Variants in HSPG2 observed in about 807,000 individuals in gnomAD.
The protein encoded by HSPG2 is basement membrane-specific heparan sulfate proteoglycan core protein.
Under a neutral mutation model 526.6 loss-of-function variants are expected in HSPG2, and 278 were observed. The ratio of observed to expected loss-of-function variants is 0.53; its 90% CI spans 0.48 to 0.58. HSPG2 has a LOEUF of 0.58. Ranked by LOEUF, HSPG2 falls within the 20% of genes least tolerant of loss-of-function variation. The pLI, the probability that HSPG2 is intolerant of heterozygous loss-of-function variation, is 0.00. For missense variants in HSPG2, 5,354 were observed against 6,099.5 expected (o/e 0.88, Z 4.07); for synonymous variants, 2,465 against 2,555.4 (o/e 0.96, Z 1.07).
At position 21,824,863 on chromosome 1, in the gene HSPG2, G is replaced by T. The variant is rs545573315; in HGVS notation, c.12590-84C>A. ...CAGTTCCCCTGACCCCCACCTCCAC[G>T]CCAACATGCAGGACTAGGGGGCTCC... On this transcript the variant is annotated intron_variant, in intron 91 of 96. Coordinates refer to ENST00000374695, the MANE Select transcript of HSPG2 (RefSeq NM_005529.7). This position sits in a 1 kb window ranked among gnomAD's most constrained non-coding sequence, Gnocchi z 5.9. The T allele has an allele frequency of 3.5e-5, 44 of 1,266,326 alleles. No homozygotes were observed. The highest frequency in any genetic ancestry group is 4.6e-5 in the Non-Finnish European group (41 of 887,990). 78.4% of individuals were successfully genotyped at this position (1,266,326 alleles called of 1,614,324 possible). A position where few individuals can be genotyped will look rare whatever the true frequency, so the allele number is the denominator to read the frequency against.
At chr1:21,882,415 AC>A (rs1452070782) in intron 13 of HSPG2, among the ~76,000 whole-genome samples, 2 of 151,096 alleles carry the variant, frequency 1.3e-5, no homozygotes, top group Admixed American at 6.6e-5. Context: ...ACACACACAC[AC>A]ACACACACAC....
chr1:21,860,097 C>T, intron 40 of HSPG2, 80 bp downstream of exon 40: 4 of 1,601,970 alleles, frequency 2.5e-6, no homozygotes, highest in East Asian at 2.2e-5. Context: ...TCAGCCCTGT[C>T]CCCAGACCCA....
chr1:21,912,766 G>A (rs886586296), intron 1 of HSPG2, among the ~76,000 whole-genome samples: 5 of 152,142 alleles, frequency 3.3e-5, no homozygotes, highest in South Asian at 2.1e-4. Context: ...GATTACTTAA[G>A]ATCAGGAGTT....
intron 1 of HSPG2, among the ~76,000 whole-genome samples, chr1:21,933,816 G>A (rs937910322): frequency 1.3e-5 from 2 of 152,254 alleles, no homozygotes; most frequent in African/African-American, 4.8e-5. Context: ...CTGCAGGTAC[G>A]GAACAAGTAG....
Position 21,831,245 on chromosome 1 carries a change from G to C in HSPG2, c.11532C>G (p.His3844Gln). 6.2e-7 allele frequency: 1 copy of C among 1,614,058 alleles called. No homozygotes were observed. The highest frequency in any genetic ancestry group is 1.3e-5 in the African/African-American group (1 of 75,036). ...AGGGCCGGTCCCGACAGGTGGGGCAGTGGGAGATGCCGTGCGCCGTGAGGT... is the reference window on the plus strand; with the variant it reads ...AGGGCCGGTCCCGACAGGTGGGGCACTGGGAGATGCCGTGCGCCGTGAGGT... ...DLNLTAHGISHCPTCRDRPCQ... is the reference protein window; with the variant it reads ...DLNLTAHGISQCPTCRDRPCQ... Residue 3844 changes from histidine (H) to glutamine (Q), a missense_variant, in exon 84 of 97, where the codon CAC (histidine) becomes CAG (glutamine). By Grantham distance (24) the His-to-Gln change is conservative. Coordinates refer to ENST00000374695, the MANE Select transcript of HSPG2 (RefSeq NM_005529.7).
intron 74 of HSPG2, among the ~76,000 whole-genome samples, chr1:21,837,805 A>G (rs868843414): frequency 2.0e-5 from 3 of 152,082 alleles, no homozygotes; most frequent in Admixed American, 6.5e-5. Context: ...CTCAGCCTAC[A>G]TGGTTGGCAT....
Position 21,847,583 on chromosome 1 carries a change from G to C in HSPG2, c.8026-91C>G, listed in dbSNP as rs929312975. 1.4e-5 allele frequency: 23 copies of C among 1,604,496 alleles called. No homozygotes were observed. The highest frequency in any genetic ancestry group is 1.8e-5 in the Non-Finnish European group (21 of 1,173,062). Reference sequence around the variant, plus strand: ...CAGGCCTTCCTGCTCAGCCTGTTGAGGCTGCTATCGGTCTACCCAGGGCCC... The same window carrying C: ...CAGGCCTTCCTGCTCAGCCTGTTGACGCTGCTATCGGTCTACCCAGGGCCC... On this transcript the variant is annotated intron_variant, in intron 61 of 96. Transcript: ENST00000374695. The surrounding 1 kb of genome is among the most constrained non-coding windows in gnomAD (Gnocchi z 4.1).
chr1:21,897,935 C>T (rs115585659), intron 1 of HSPG2, among the ~76,000 whole-genome samples: 249 of 152,292 alleles, frequency 1.6e-3, no homozygotes, highest in South Asian at 5.0e-3. Flanking sequence ...TTCACAGTGA[C>T]CTCAACCCCA....
At position 21,823,866 on chromosome 1, in the gene HSPG2, G is replaced by C. The variant is rs1008997549; in HGVS notation, c.12900-147C>G. On this transcript the variant is annotated intron_variant, in intron 95 of 96. Transcript: ENST00000374695. ...GCTCTTTCTTTCCCCCGCTGAACGAGAGATCGGGCCCCACAAACACAGCTT... is the reference window on the plus strand; with the variant it reads ...GCTCTTTCTTTCCCCCGCTGAACGACAGATCGGGCCCCACAAACACAGCTT... 2.1e-5 allele frequency: 16 copies of C among 766,216 alleles called. No homozygotes were observed. In the African/African-American group the frequency reaches 2.8e-4, roughly 13 times the overall value. 47.5% of individuals were successfully genotyped at this position (766,216 alleles called of 1,614,324 possible). A position where few individuals can be genotyped will look rare whatever the true frequency, so the allele number is the denominator to read the frequency against.
chr1:21,875,035 T>C, intron 25 of HSPG2, 33 bp from the exon 26 acceptor site: 1 of 1,483,942 alleles, frequency 6.7e-7, no homozygotes. Context: ...TGAATAGGAG[T>C]GCTGGCTCTG....
At chr1:21,926,764 A>G (rs1381918464) in intron 1 of HSPG2, among the ~76,000 whole-genome samples, 1 of 107,102 alleles carries the variant, frequency 9.3e-6, no homozygotes, top group Non-Finnish European at 1.9e-5. Context: ...TCAGTCTCAA[A>G]AAAAAAAAAA....
In HSPG2 at chr1:21,893,152, C is replaced by G. The variant is rs1190405139; in HGVS notation, c.245-2458G>C. On this transcript the variant is annotated intron_variant, in intron 3 of 96. Transcript: ENST00000374695. The surrounding 1 kb of genome is among the most constrained non-coding windows in gnomAD (Gnocchi z 4.3). ...TCCCATCCCTGCTCAACAGAACTCT[C>G]TGCAACACACCCAGGCCCCCGAACT... is the stretch of plus-strand genomic sequence containing the variant. Among the ~76,000 whole-genome samples the G allele has an allele frequency of 6.6e-6, 1 of 152,228 alleles. No homozygotes were observed. Among genetic ancestry groups the G allele is most frequent in the Non-Finnish European group, 1.5e-5 (1 of 68,044 alleles).
rs1019847102 is a variant in HSPG2, at chr1:21,858,004, C to T, written c.5294-619G>A. On this transcript the variant is annotated intron_variant, in intron 42 of 96. Coordinates refer to ENST00000374695, the MANE Select transcript of HSPG2 (RefSeq NM_005529.7). This position sits in a 1 kb window ranked among gnomAD's most constrained non-coding sequence, Gnocchi z 4.2. Reference sequence around the variant, plus strand: ...TCTCCTCCTTCTCATGCGATCACTTCGGTCCAGAGTGCATTCTAGGATTTC... The same window carrying T: ...TCTCCTCCTTCTCATGCGATCACTTTGGTCCAGAGTGCATTCTAGGATTTC... Among the ~76,000 whole-genome samples, 5 of 152,212 alleles carry T rather than the reference C, an allele frequency of 3.3e-5. No homozygotes were observed. Among genetic ancestry groups the T allele is most frequent in the African/African-American group, 7.2e-5 (3 of 41,450 alleles).
chr1:21,827,985 G>A lies in HSPG2; in HGVS notation c.12532+45C>T, dbSNP rs374999391. The A allele has an allele frequency of 3.5e-5, 56 of 1,612,814 alleles. No individual in the cohort carries two copies. The African/African-American group carries it at 6.0e-4, about 17-fold the overall frequency. Reference sequence around the variant, plus strand: ...CCGTGGGTACTATGTCGAGCTCCGGGGCCCCAAGACAGAGATGAAGTGGAG... The same window carrying A: ...CCGTGGGTACTATGTCGAGCTCCGGAGCCCCAAGACAGAGATGAAGTGGAG... On this transcript the variant is annotated intron_variant, in intron 90 of 96. Transcript: ENST00000374695.
chr1:21,830,919 G>A, intron 85 of HSPG2, 63 bp downstream of exon 85: 1 of 1,091,714 alleles, frequency 9.2e-7, no homozygotes, highest in South Asian at 1.3e-5. Context: ...GGTGGATATG[G>A]GGAGGCAGCA....
In HSPG2 at chr1:21,902,274, G is replaced by A. The variant is rs544294772; in HGVS notation, c.64-5964C>T. Among the ~76,000 whole-genome samples, 7 of 152,342 alleles carry A rather than the reference G, an allele frequency of 4.6e-5. No individual in the cohort carries two copies. In the South Asian group the frequency reaches 1.4e-3, roughly 32 times the overall value. On this transcript the variant is annotated intron_variant, in intron 1 of 96. Coordinates refer to ENST00000374695, the MANE Select transcript of HSPG2 (RefSeq NM_005529.7). ...TGCTTGTGCTGCCCGTGCCACTCGGGAGGCCTGCCAGCTTCTCACACAGGG... is the reference window on the plus strand; with the variant it reads ...TGCTTGTGCTGCCCGTGCCACTCGGAAGGCCTGCCAGCTTCTCACACAGGG...
At position 21,853,047 on chromosome 1, in the gene HSPG2, G is replaced by T. The variant is rs1250900091; in HGVS notation, c.6463C>A (p.Arg2155Ser). The T allele has an allele frequency of 6.2e-7, 1 of 1,613,932 alleles. No homozygotes were observed. Among genetic ancestry groups the T allele is most frequent in the East Asian group, 2.2e-5 (1 of 44,876 alleles). Residue 2155 changes from arginine (R) to serine (S), a missense_variant, in exon 51 of 97, where the codon CGC becomes AGC. Transcript: ENST00000374695. ...ACGTGTGAGGAGGAGGGCTCGATGC[G>T]GATGGGCCGGGTGCTGCCGGGCACT... is the stretch of plus-strand genomic sequence containing the variant. ...TPVPGSTRPI[R>S]IEPSSSHVAE...
chr1:21,870,054 C>T (rs965787424), intron 33 of HSPG2, among the ~76,000 whole-genome samples: 1 of 152,220 alleles, frequency 6.6e-6, no homozygotes, highest in Non-Finnish European at 1.5e-5. Context: ...CCAGGGGAGA[C>T]ACCAGAGCAG....
At chr1:21,933,703 C>T (rs758634993) in intron 1 of HSPG2, among the ~76,000 whole-genome samples, 7 of 152,262 alleles carry the variant, frequency 4.6e-5, no homozygotes, top group Non-Finnish European at 5.9e-5. Flanking sequence ...GGGGGTGGTC[C>T]ATCTCTGCCC....
Sources: gnomAD v4.1 joint callset for allele counts (sites outside exome capture counted in the v4.1 genomes callset) on GRCh38, gnomAD v4.1.1 for gene constraint, Gnocchi (gnomAD v3.1) non-coding constraint, MANE v1.5 for transcripts, NCBI Gene and HGNC (gene_info 2026-07-23, HGNC 2026-07-21) for gene names.